Variants in ZRANB3 observed in about 807,000 individuals in gnomAD.
ZRANB3 encodes the protein DNA annealing helicase and endonuclease ZRANB3.
Under a neutral mutation model 133.8 loss-of-function variants are expected in ZRANB3, and 125 were observed. That is an observed-to-expected ratio of 0.93 (90% CI 0.81 to 1.08). The LOEUF (loss-of-function observed/expected upper bound fraction) is 1.08, where lower values mean the gene tolerates loss of function less well. ZRANB3 is among the 50% of genes least tolerant of loss of function. The pLI is 0.00. For synonymous variants in ZRANB3, 387 were observed against 432.7 expected (o/e 0.89, Z 1.31); for missense variants, 1,229 against 1,275.5 (o/e 0.96, Z 0.56).
At position 135,207,837 on chromosome 2, in the gene ZRANB3, C is replaced by G; in HGVS notation, c.2607-1G>C. On this transcript the variant is annotated splice_acceptor_variant, in intron 18 of 20. Coordinates refer to ENST00000264159, the MANE Select transcript of ZRANB3 (RefSeq NM_032143.4). LOFTEE classifies it high-confidence loss of function. ...ACAGGCTCCATCTTCAAGAAGTTTT[C>G]TACAATTGATAAAAACACTGAATAG... The G allele has an allele frequency of 6.3e-7, 1 of 1,587,482 alleles. No homozygotes were observed. The highest frequency in any genetic ancestry group is 1.3e-5 in the African/African-American group (1 of 74,314).
intron 3 of ZRANB3, among the ~76,000 whole-genome samples, chr2:135,367,676 T>C (rs1315904196): frequency 6.6e-6 from 1 of 152,162 alleles, no homozygotes; most frequent in Non-Finnish European, 1.5e-5. Context: ...TACGGTAGCA[T>C]CTACATAAAT....
intron 2 of ZRANB3, among the ~76,000 whole-genome samples, chr2:135,421,875 T>C (rs1392605567): frequency 6.6e-6 from 1 of 150,654 alleles, no homozygotes; most frequent in East Asian, 1.9e-4. Context: ...AATACTTTTA[T>C]TTCTTTTTTT....
At position 135,404,548 on chromosome 2, in the gene ZRANB3, C is replaced by T. The variant is rs6752356; in HGVS notation, c.162-13728G>A. Reference sequence around the variant, plus strand: ...CTCTGCAGGATATTATCCAGGAGAACTTCCCCAAACTAGCAAGTCAGGCCA... The same window carrying T: ...CTCTGCAGGATATTATCCAGGAGAATTTCCCCAAACTAGCAAGTCAGGCCA... On this transcript the variant is annotated intron_variant, in intron 2 of 20. Transcript: ENST00000264159. 6.0e-3 allele frequency among the ~76,000 whole-genome samples: 917 copies of T among 152,274 alleles called. 11 individuals are homozygous for T. Among genetic ancestry groups the T allele is most frequent in the African/African-American group, 0.021 (870 of 41,544 alleles).
chr2:135,228,124 A>G (rs1381186430), intron 13 of ZRANB3, 109 bp from the exon 14 acceptor site: 1 of 950,270 alleles, frequency 1.1e-6, no homozygotes. Context: ...ATGTTTATTC[A>G]TATGTTCAAA....
At chr2:135,296,166 A>G (rs1682074234) in intron 8 of ZRANB3, among the ~76,000 whole-genome samples, 4 of 152,202 alleles carry the variant, frequency 2.6e-5, no homozygotes, top group Admixed American at 2.6e-4. Flanking sequence ...AATATCCTGC[A>G]GAGTGTTTTC....
At chr2:135,286,824 T>G (rs2104788650) in intron 8 of ZRANB3, among the ~76,000 whole-genome samples, 1 of 152,326 alleles carries the variant, frequency 6.6e-6, no homozygotes, top group Non-Finnish European at 1.5e-5. Context: ...CTATTAGTCC[T>G]TTGTTGGAGG....
In ZRANB3 at chr2:135,383,299, TC is replaced by T. The variant is rs575746587; in HGVS notation, c.180+7502del. Among the ~76,000 whole-genome samples, 452 of 152,214 alleles carry T rather than the reference TC, an allele frequency of 3.0e-3. 3 individuals carry two copies. Among genetic ancestry groups the T allele is most frequent in the African/African-American group, 0.01 (421 of 41,514 alleles). On this transcript the variant is annotated intron_variant, in intron 3 of 20. Coordinates refer to ENST00000264159, the MANE Select transcript of ZRANB3 (RefSeq NM_032143.4). ...CAAATTCAACAAGAAGAGCTAACTA[TC>T]CCAAATATACATGCACCAAATACAG...
At chr2:135,499,519 G>C (rs1692840193) in intron 2 of ZRANB3, among the ~76,000 whole-genome samples, 1 of 151,880 alleles carries the variant, frequency 6.6e-6, no homozygotes, top group South Asian at 2.1e-4. Context: ...AAGGCAAATA[G>C]ACAATCCAGA....
At chr2:135,320,842 T>C (rs1683488924) in intron 6 of ZRANB3, among the ~76,000 whole-genome samples, 1 of 152,254 alleles carries the variant, frequency 6.6e-6, no homozygotes. Flanking sequence ...ATCTGTTTTT[T>C]GCCTTAGCAG....
chr2:135,286,481 T>A (rs1414688838), intron 8 of ZRANB3, among the ~76,000 whole-genome samples: 4 of 152,192 alleles, frequency 2.6e-5, no homozygotes, highest in Admixed American at 6.5e-5. Flanking sequence ...TTTCACCATG[T>A]TGGCCAGACT....
At chr2:135,474,449 G>A (rs1400837231) in intron 2 of ZRANB3, among the ~76,000 whole-genome samples, 1 of 152,024 alleles carries the variant, frequency 6.6e-6, no homozygotes, top group Non-Finnish European at 1.5e-5. Flanking sequence ...GGCTCATGGG[G>A]GTGTGGTGCC....
intron 1 of ZRANB3, among the ~76,000 whole-genome samples, chr2:135,512,290 C>T (rs559722098): frequency 2.0e-5 from 3 of 152,172 alleles, no homozygotes; most frequent in Non-Finnish European, 2.9e-5. Flanking sequence ...GCAAATTCAA[C>T]TGGAATTCAC....
At chr2:135,299,596 T>A (rs1443442579) in intron 8 of ZRANB3, among the ~76,000 whole-genome samples, 4 of 152,154 alleles carry the variant, frequency 2.6e-5, no homozygotes, top group African/African-American at 7.2e-5. Context: ...CTCCCTATCG[T>A]CATTATTTAC....
chr2:135,313,981 C>T (rs1282692457), intron 7 of ZRANB3, among the ~76,000 whole-genome samples: 2 of 152,224 alleles, frequency 1.3e-5, no homozygotes, highest in African/African-American at 2.4e-5. Flanking sequence ...TCGCCTGCCT[C>T]AGCCTCCCAA....
chr2:135,482,026 G>T (rs1457685516), intron 2 of ZRANB3, among the ~76,000 whole-genome samples: 1 of 136,828 alleles, frequency 7.3e-6, no homozygotes, highest in Non-Finnish European at 1.5e-5. Flanking sequence ...TAGCCTTGTA[G>T]TATAGTTTGA....
intron 2 of ZRANB3, among the ~76,000 whole-genome samples, chr2:135,435,702 G>A (rs777504513): frequency 6.6e-6 from 1 of 152,054 alleles, no homozygotes; most frequent in Non-Finnish European, 1.5e-5. Flanking sequence ...GTGTGAGATG[G>A]TATCTCACTG....
At chr2:135,501,745 T>C (rs1169588388) in intron 2 of ZRANB3, among the ~76,000 whole-genome samples, 5 of 152,184 alleles carry the variant, frequency 3.3e-5, no homozygotes. Flanking sequence ...GAAAAAATGT[T>C]CTACATTCTG....
At chr2:135,278,905 T>C (rs1290707346) in intron 8 of ZRANB3, among the ~76,000 whole-genome samples, 1 of 152,076 alleles carries the variant, frequency 6.6e-6, no homozygotes, top group Admixed American at 6.5e-5. Context: ...ATGACTTTCA[T>C]GGAAGGATGG....
At chr2:135,526,201 T>C (rs1267395531) in intron 1 of ZRANB3, among the ~76,000 whole-genome samples, 1 of 148,694 alleles carries the variant, frequency 6.7e-6, no homozygotes, top group Non-Finnish European at 1.5e-5. Context: ...TCTCACTCTG[T>C]CGCCCAGGCT....
Sources: allele counts gnomAD v4.1 joint callset (sites outside exome capture counted in the v4.1 genomes callset), GRCh38; gene constraint gnomAD v4.1.1; transcripts MANE v1.5; gene names NCBI Gene and HGNC (gene_info 2026-07-23, HGNC 2026-07-21).